The following NEGR1 variants were observed in gnomAD, a reference collection of about 807,000 sequenced individuals.
NEGR1 encodes the protein IgLON family member 4.
A neutral mutation model predicts 40.9 loss-of-function variants in NEGR1; 10 were observed. The observed-to-expected ratio is 0.24, with a 90% CI of 0.15 to 0.42. The LOEUF (loss-of-function observed/expected upper bound fraction) is 0.42, where lower values mean the gene tolerates loss of function less well. Ranked by LOEUF, NEGR1 falls within the 10% of genes least tolerant of loss-of-function variation. NEGR1 has a pLI of 1.00. For missense variants in NEGR1, 352 were observed against 438.9 expected, an observed-to-expected ratio of 0.80 and a Z score of 1.77; for synonymous variants, 185 against 166.8, an observed-to-expected ratio of 1.11 and a Z score of -0.84.
intron 6 of NEGR1, among the ~76,000 whole-genome samples, chr1:71,459,916 C>T (rs562035973): frequency 6.6e-6 from 1 of 152,264 alleles, no homozygotes; most frequent in South Asian, 2.1e-4. Context: ...AATATCAGTA[C>T]TATTGACAAT....
chr1:72,186,232 T>C (rs1652607923), intron 1 of NEGR1, among the ~76,000 whole-genome samples: 1 of 151,758 alleles, frequency 6.6e-6, no homozygotes, highest in African/African-American at 2.4e-5. Flanking sequence ...AAATTTAACA[T>C]GCCATTTGCC....
rs191164669 is a variant in NEGR1, at chr1:71,434,294, C to A, written c.941-26724G>T. Among the ~76,000 whole-genome samples the A allele has an allele frequency of 5.3e-5, 8 of 152,200 alleles. No individual in the cohort carries two copies. In the East Asian group the frequency reaches 1.5e-3, roughly 29 times the overall value. On this transcript the variant is annotated intron_variant, in intron 6 of 6. Coordinates refer to ENST00000357731, the MANE Select transcript of NEGR1 (RefSeq NM_173808.3). ...GACAAATCTATTATAAAAACTTAAA[C>A]TGATGCAGACTGTGCATAGTGCTAC... is the stretch of plus-strand genomic sequence containing the variant.
chr1:71,834,399 A>G (rs1475823240), intron 2 of NEGR1, among the ~76,000 whole-genome samples: 1 of 152,034 alleles, frequency 6.6e-6, no homozygotes, highest in Non-Finnish European at 1.5e-5. Context: ...CATCCAATCC[A>G]TGGAGGACCT....
At position 72,252,245 on chromosome 1, in the gene NEGR1, T is replaced by C. The variant is rs985839494; in HGVS notation, c.176+30074A>G. On this transcript the variant is annotated intron_variant, in intron 1 of 6. Transcript: ENST00000357731. ...TTTGAGTAGAGACAGGATTTCTCCA[T>C]GTGGGTCAGGCTGGTCTCAAACGTC... is the stretch of plus-strand genomic sequence containing the variant. 4.0e-5 allele frequency among the ~76,000 whole-genome samples: 6 copies of C among 151,894 alleles called. No individual in the cohort carries two copies. The East Asian group carries it at 1.2e-3, about 29-fold the overall frequency.
At chr1:71,424,146 T>G (rs1353943902) in intron 6 of NEGR1, among the ~76,000 whole-genome samples, 1 of 151,978 alleles carries the variant, frequency 6.6e-6, no homozygotes, top group Non-Finnish European at 1.5e-5. Flanking sequence ...CATTGAATAG[T>G]AAATCTTTCC....
chr1:71,793,583 C>T (rs1195412172), intron 2 of NEGR1, among the ~76,000 whole-genome samples: 1 of 151,750 alleles, frequency 6.6e-6, no homozygotes, highest in Non-Finnish European at 1.5e-5. Flanking sequence ...TTTCATGAAA[C>T]TGACATAATG....
intron 4 of NEGR1, among the ~76,000 whole-genome samples, chr1:71,627,140 T>C (rs1211049401): frequency 6.6e-6 from 1 of 152,112 alleles, no homozygotes; most frequent in African/African-American, 2.4e-5. Context: ...GCCATCCCAT[T>C]ACTGGGTATA....
intron 6 of NEGR1, among the ~76,000 whole-genome samples, chr1:71,576,930 G>A (rs1648982755): frequency 2.0e-5 from 3 of 152,156 alleles, no homozygotes; most frequent in South Asian, 4.1e-4. Context: ...CATAGAAGGG[G>A]CTATGTCCTT....
chr1:71,704,163 TCACACACACA>T (rs3077140), intron 3 of NEGR1, among the ~76,000 whole-genome samples: 11 of 142,212 alleles, frequency 7.7e-5, no homozygotes, highest in African/African-American at 2.3e-4. Flanking sequence ...TCTCTCTCTG[TCACACACACA>T]CACACACACA....
At chr1:72,127,304 A>G (rs949362763) in intron 1 of NEGR1, among the ~76,000 whole-genome samples, 2 of 151,836 alleles carry the variant, frequency 1.3e-5, no homozygotes, top group African/African-American at 4.8e-5. Flanking sequence ...CTCTACTAAA[A>G]AAACAAAAAA....
chr1:71,986,456 C>T (rs897720365), intron 1 of NEGR1, among the ~76,000 whole-genome samples: 3 of 152,210 alleles, frequency 2.0e-5, no homozygotes, highest in Non-Finnish European at 4.4e-5. Context: ...TCTTCATCCT[C>T]CGCTTCTTCC....
chr1:71,467,196 GT>G (rs1274482282), intron 6 of NEGR1, among the ~76,000 whole-genome samples: 1 of 152,078 alleles, frequency 6.6e-6, no homozygotes, highest in Non-Finnish European at 1.5e-5. Context: ...ATTTTGTGAG[GT>G]TAGTCAGTAA....
intron 6 of NEGR1, among the ~76,000 whole-genome samples, chr1:71,544,087 A>G (rs1647807716): frequency 6.6e-6 from 1 of 151,680 alleles, no homozygotes; most frequent in African/African-American, 2.4e-5. Context: ...AAATGCAGTC[A>G]CTTTTGAGAT....
intron 4 of NEGR1, among the ~76,000 whole-genome samples, chr1:71,680,295 A>G (rs113856082): frequency 1.4e-4 from 22 of 152,216 alleles, no homozygotes; most frequent in African/African-American, 5.1e-4. Flanking sequence ...CCATATCTTT[A>G]GTTACATAGG....
At chr1:71,947,567 C>A (rs1020880411) in intron 1 of NEGR1, among the ~76,000 whole-genome samples, 3 of 152,244 alleles carry the variant, frequency 2.0e-5, no homozygotes, top group Non-Finnish European at 4.4e-5. Flanking sequence ...ACCTCTATTG[C>A]AAAAGAATTT....
rs151151236 is a variant in NEGR1, at chr1:71,930,061, G to A, written c.409+5018C>T. Among the ~76,000 whole-genome samples, 1,021 of 152,124 alleles carry A rather than the reference G, an allele frequency of 6.7e-3. 15 individuals carry two copies. Among genetic ancestry groups the A allele is most frequent in the African/African-American group, 0.024 (979 of 41,530 alleles). On this transcript the variant is annotated intron_variant, in intron 2 of 6. Transcript: ENST00000357731. ...ATATTTGTGGAGTTTTGCCTAAGAAGGATAGGTTCTAAAATTTATTCATAG... is the reference window on the plus strand; with the variant it reads ...ATATTTGTGGAGTTTTGCCTAAGAAAGATAGGTTCTAAAATTTATTCATAG...
At chr1:71,927,851 A>AAG (rs1557437874) in intron 2 of NEGR1, among the ~76,000 whole-genome samples, 7 of 125,382 alleles carry the variant, frequency 5.6e-5, no homozygotes, top group African/African-American at 2.3e-4. Context: ...AAAAAAAAAA[A>AAG]GCCAGGCAGA....
At chr1:71,485,146 A>G (rs1646879558) in intron 6 of NEGR1, among the ~76,000 whole-genome samples, 1 of 151,584 alleles carries the variant, frequency 6.6e-6, no homozygotes. Flanking sequence ...TTTAGTTTAG[A>G]TAATTGTGTG....
At chr1:72,000,922 G>A (rs1646551927) in intron 1 of NEGR1, among the ~76,000 whole-genome samples, 1 of 152,114 alleles carries the variant, frequency 6.6e-6, no homozygotes, top group Non-Finnish European at 1.5e-5. Flanking sequence ...ACAGATAAGG[G>A]AACTTGCAAA....
Sources: gnomAD v4.1 joint callset for allele counts (sites outside exome capture counted in the v4.1 genomes callset) on GRCh38, gnomAD v4.1.1 for gene constraint, MANE v1.5 for transcripts, NCBI Gene and HGNC (gene_info 2026-07-23, HGNC 2026-07-21) for gene names.